Variants in AFDN observed in about 807,000 individuals in gnomAD.
The protein encoded by AFDN is afadin, adherens junction formation factor.
In AFDN, 68 loss-of-function variants were observed where a neutral mutation model predicts 216.6. That is an observed-to-expected ratio of 0.31 (90% CI 0.26 to 0.38). The LOEUF (loss-of-function observed/expected upper bound fraction) is 0.38. Ranked by LOEUF, AFDN falls within the 10% of genes least tolerant of loss-of-function variation. The pLI is 1.00. For synonymous variants in AFDN, 868 were observed against 853.7 expected (o/e 1.02, Z -0.29); for missense variants, 2,136 against 2,342.0 (o/e 0.91, Z 1.82).
chr6:167,952,306 T>C (rs1397976578), intron 30 of AFDN, 119 bp downstream of exon 30: 1 of 1,551,100 alleles, frequency 6.4e-7, no homozygotes, highest in Non-Finnish European at 8.7e-7. Flanking sequence ...CCCCTAGGCT[T>C]ATACTGTTTT....
rs1163511693 is a variant in AFDN, at chr6:167,915,045, AT to A, written c.2300-118del. 4 of 1,002,954 alleles carry A rather than the reference AT, an allele frequency of 4.0e-6. No individual in the cohort carries two copies. The African/African-American group carries it at 6.5e-5, about 16-fold the overall frequency. 62.1% of individuals were successfully genotyped at this position (1,002,954 alleles called of 1,614,324 possible). A position where few individuals can be genotyped will look rare whatever the true frequency, so the allele number is the denominator to read the frequency against. ...TGTTTCCTCTTGGAATGAAGTTGAT[AT>A]TTTTAAAGTAATTAAACGGCACTTA... On this transcript the variant is annotated intron_variant, in intron 18 of 33. Transcript: ENST00000683244.
At chr6:167,930,206 TA>T (rs1226218897) in intron 23 of AFDN, among the ~76,000 whole-genome samples, 1 of 152,114 alleles carries the variant, frequency 6.6e-6, no homozygotes, top group Non-Finnish European at 1.5e-5. Context: ...CCCTGTCTCA[TA>T]ATAACAATAA....
intron 2 of AFDN, among the ~76,000 whole-genome samples, chr6:167,866,895 G>T (rs147503299): frequency 3.3e-5 from 5 of 152,140 alleles, no homozygotes; most frequent in Non-Finnish European, 7.3e-5. Flanking sequence ...TTTGCATACC[G>T]CAGCCCTAGT....
In AFDN at chr6:167,914,696, C is replaced by T; in HGVS notation, c.2257C>T (p.Leu753=). The T allele has an allele frequency of 6.2e-7, 1 of 1,613,694 alleles. No homozygotes were observed. Among genetic ancestry groups the T allele is most frequent in the South Asian group, 1.1e-5 (1 of 91,078 alleles). Residue 753 remains leucine (L), a synonymous_variant, in exon 18 of 34, where the codon CTA becomes TTA. Transcript: ENST00000683244. Reference sequence around the variant, plus strand: ...ACTTAATAATTACATGCCAGCCTTTCTAGATGACCCTGAAGAGAACAGTCT... The same window carrying T: ...ACTTAATAATTACATGCCAGCCTTTTTAGATGACCCTGAAGAGAACAGTCT... The part of the protein sequence containing the change: ...SELNNYMPAF[L]DDPEENSLQR...
chr6:167,841,080 C>T (rs1291542878), intron 1 of AFDN, among the ~76,000 whole-genome samples: 1 of 152,160 alleles, frequency 6.6e-6, no homozygotes, highest in Non-Finnish European at 1.5e-5. Flanking sequence ...AGGAGGTAAA[C>T]TGGAATTTGG....
At chr6:167,875,999 C>A (rs1251272204) in intron 5 of AFDN, among the ~76,000 whole-genome samples, 1 of 152,174 alleles carries the variant, frequency 6.6e-6, no homozygotes, top group African/African-American at 2.4e-5. Context: ...TTAATACTAT[C>A]AAATAACTAG....
chr6:167,968,871 C>T (rs1269597584), intron 32 of AFDN: 7 of 459,020 alleles, frequency 1.5e-5, no homozygotes, highest in African/African-American at 3.9e-5. Flanking sequence ...GTATTCCTCC[C>T]TCATAGTGAA....
intron 1 of AFDN, among the ~76,000 whole-genome samples, chr6:167,841,056 G>T (rs1024851256): frequency 1.3e-5 from 2 of 152,236 alleles, no homozygotes; most frequent in Non-Finnish European, 2.9e-5. Context: ...CAGGGAAGGA[G>T]AAAATGAAAC....
At chr6:167,831,688 A>G (rs1342267678) in intron 1 of AFDN, among the ~76,000 whole-genome samples, 1 of 152,248 alleles carries the variant, frequency 6.6e-6, no homozygotes, top group Non-Finnish European at 1.5e-5. Context: ...TGGGTCTTTC[A>G]TATTCTTGAA....
At chr6:167,949,424 A>G (rs1189170172) in intron 29 of AFDN, among the ~76,000 whole-genome samples, 1 of 152,204 alleles carries the variant, frequency 6.6e-6, no homozygotes, top group Non-Finnish European at 1.5e-5. Flanking sequence ...ACGCTGTGAT[A>G]CAGATGAGGA....
intron 1 of AFDN, among the ~76,000 whole-genome samples, chr6:167,862,862 G>C (rs186187054): frequency 1.2e-4 from 19 of 152,250 alleles, no homozygotes; most frequent in African/African-American, 4.6e-4. Flanking sequence ...CTCAGGTCTC[G>C]CACCCAAAAC....
chr6:167,846,246 T>C (rs567793702), intron 1 of AFDN, among the ~76,000 whole-genome samples: 50 of 152,164 alleles, frequency 3.3e-4, no homozygotes, highest in African/African-American at 1.1e-3. Context: ...TATTAAACTC[T>C]CTGTGACTGG....
intron 23 of AFDN, among the ~76,000 whole-genome samples, chr6:167,931,668 A>G (rs1793317518): frequency 6.6e-6 from 1 of 152,050 alleles, no homozygotes; most frequent in Admixed American, 6.6e-5. Context: ...CACTGCCGAG[A>G]TAACACTGTA....
At chr6:167,872,511 C>T in intron 4 of AFDN, 134 bp downstream of exon 4, 4 of 944,130 alleles carry the variant, frequency 4.2e-6, no homozygotes, top group Non-Finnish European at 6.5e-6. Context: ...TGGGTCTACT[C>T]CCAGCTCTTC....
intron 33 of AFDN, among the ~76,000 whole-genome samples, chr6:167,969,576 T>C (rs1196097785): frequency 3.9e-5 from 6 of 152,180 alleles, no homozygotes; most frequent in Admixed American, 3.3e-4. Flanking sequence ...TGGGAAAAGT[T>C]AATGTTGTAG....
intron 27 of AFDN, 53 bp downstream of exon 27, chr6:167,946,954 G>A (rs1484485215): frequency 6.9e-7 from 1 of 1,452,424 alleles, no homozygotes; most frequent in Non-Finnish European, 9.4e-7. Context: ...ACAGTCTGAA[G>A]TGAGAGGAGG....
At chr6:167,839,050 CT>C (rs760651382) in intron 1 of AFDN, among the ~76,000 whole-genome samples, 28 of 149,668 alleles carry the variant, frequency 1.9e-4, no homozygotes, top group Non-Finnish European at 1.5e-4. Flanking sequence ...ACTTCAAAAA[CT>C]TTTTTTTTTA....
At chr6:167,839,719 C>T (rs1268883911) in intron 1 of AFDN, among the ~76,000 whole-genome samples, 2 of 152,162 alleles carry the variant, frequency 1.3e-5, no homozygotes, top group African/African-American at 2.4e-5. Context: ...GTAAGTTTTG[C>T]TGAGCATGTG....
At chr6:167,861,356 T>C (rs533648583) in intron 1 of AFDN, among the ~76,000 whole-genome samples, 5 of 152,332 alleles carry the variant, frequency 3.3e-5, no homozygotes, top group African/African-American at 1.2e-4. Context: ...ATAGTTTTCA[T>C]AGGCTTTATT....
Sources: allele counts gnomAD v4.1 joint callset (sites outside exome capture counted in the v4.1 genomes callset), GRCh38; gene constraint gnomAD v4.1.1; transcripts MANE v1.5; gene names NCBI Gene and HGNC (gene_info 2026-07-23, HGNC 2026-07-21).